The following NRXN1 variants were observed in gnomAD, a reference collection of about 807,000 sequenced individuals.
NRXN1 encodes the protein neurexin 1.
In NRXN1, 39 loss-of-function variants were observed where a neutral mutation model predicts 150.9. The ratio of observed to expected loss-of-function variants is 0.26; its 90% CI spans 0.20 to 0.34. The LOEUF is 0.34. Among genes scored for constraint, NRXN1 ranks in the 10% least tolerant of loss-of-function variants. The pLI, the probability that NRXN1 is intolerant of heterozygous loss-of-function variation, is 1.00. For missense variants in NRXN1, 1,815 were observed against 1,949.9 expected (o/e 0.93, Z 1.30); for synonymous variants, 924 against 757.0 (o/e 1.22, Z -3.62).
chr2:50,277,920 A>G (rs1000393786), intron 17 of NRXN1, among the ~76,000 whole-genome samples: 5 of 152,040 alleles, frequency 3.3e-5, no homozygotes, highest in African/African-American at 1.2e-4. Flanking sequence ...AAAAAGAAAC[A>G]TATGTTCTGA....
intron 21 of NRXN1, among the ~76,000 whole-genome samples, chr2:50,009,993 T>G (rs1685391433): frequency 6.6e-6 from 1 of 152,082 alleles, no homozygotes; most frequent in Non-Finnish European, 1.5e-5. Context: ...TTAAATATAT[T>G]TTTGCACTCT....
intron 21 of NRXN1, among the ~76,000 whole-genome samples, chr2:50,047,186 C>A (rs1223254302): frequency 6.6e-6 from 1 of 151,920 alleles, no homozygotes; most frequent in African/African-American, 2.4e-5. Context: ...GAATATAGAT[C>A]ACCTCAATGT....
At chr2:50,649,638 T>C (rs928901478) in intron 5 of NRXN1, among the ~76,000 whole-genome samples, 1 of 152,010 alleles carries the variant, frequency 6.6e-6, no homozygotes, top group African/African-American at 2.4e-5. Flanking sequence ...CCTGAAGCCA[T>C]GTAAAATGGA....
At position 50,232,393 on chromosome 2, in the gene NRXN1, T is replaced by C. The variant is rs1168602679; in HGVS notation, c.3546+4396A>G. On this transcript the variant is annotated intron_variant, in intron 18 of 22. Coordinates refer to ENST00000401669, the MANE Select transcript of NRXN1 (RefSeq NM_001330078.2). ...TTTTTCTTTCTTTTCTTTTCTTTTTTTTTTTTTTTTTTGAGACGGAGTGTC... is the reference window on the plus strand; with the variant it reads ...TTTTTCTTTCTTTTCTTTTCTTTTTCTTTTTTTTTTTTGAGACGGAGTGTC... 7.8e-3 allele frequency among the ~76,000 whole-genome samples: 1,149 copies of C among 146,438 alleles called. 16 individuals carry two copies. The highest frequency in any genetic ancestry group is 0.026 in the African/African-American group (1,052 of 39,836).
chr2:50,220,643 C>T (rs1353477415), intron 18 of NRXN1, among the ~76,000 whole-genome samples: 1 of 152,000 alleles, frequency 6.6e-6, no homozygotes, highest in Non-Finnish European at 1.5e-5. Context: ...TTTGCAAAAA[C>T]CCATTTCAAA....
chr2:50,058,224 A>C (rs2152637134), intron 19 of NRXN1, among the ~76,000 whole-genome samples: 1 of 152,278 alleles, frequency 6.6e-6, no homozygotes, highest in Non-Finnish European at 1.5e-5. Context: ...ATAAACACTG[A>C]ATTCCCAATG....
chr2:50,418,011 T>C (rs545135638), intron 17 of NRXN1, among the ~76,000 whole-genome samples: 4 of 152,080 alleles, frequency 2.6e-5, no homozygotes, highest in African/African-American at 7.2e-5. Context: ...TGACCAAATG[T>C]GCATTTTAGA....
chr2:50,483,345 C>T (rs2090619763), intron 15 of NRXN1, among the ~76,000 whole-genome samples: 1 of 152,078 alleles, frequency 6.6e-6, no homozygotes, highest in East Asian at 1.9e-4. Context: ...AAAGAAAAAA[C>T]TATAAGTATA....
chr2:50,250,402 T>A (rs141442265), intron 17 of NRXN1, among the ~76,000 whole-genome samples: 107 of 151,732 alleles, frequency 7.1e-4, no homozygotes, highest in African/African-American at 2.4e-3. Flanking sequence ...AGGTTGTAGA[T>A]CCACTTATAT....
intron 21 of NRXN1, among the ~76,000 whole-genome samples, chr2:49,976,024 T>C (rs2152501582): frequency 6.9e-6 from 1 of 145,806 alleles, no homozygotes; most frequent in African/African-American, 2.6e-5. Context: ...AGAATTTTTT[T>C]TTTTTTTTTT....
chr2:50,460,032 G>C (rs1252209941), intron 17 of NRXN1, among the ~76,000 whole-genome samples: 1 of 152,092 alleles, frequency 6.6e-6, no homozygotes, highest in East Asian at 1.9e-4. Flanking sequence ...ATAGCATTTA[G>C]TGATAACTAA....
intron 17 of NRXN1, among the ~76,000 whole-genome samples, chr2:50,358,608 C>A (rs2078982524): frequency 6.6e-6 from 1 of 152,346 alleles, no homozygotes; most frequent in South Asian, 2.1e-4. Context: ...AAACTCCCAT[C>A]TCCCTGGGAT....
chr2:50,948,486 G>C (rs1469789606), intron 2 of NRXN1, among the ~76,000 whole-genome samples: 1 of 152,020 alleles, frequency 6.6e-6, no homozygotes, highest in Non-Finnish European at 1.5e-5. Context: ...AAAAATATCA[G>C]TACTCTGGGC....
At chr2:50,368,944 G>A (rs1043629810) in intron 17 of NRXN1, among the ~76,000 whole-genome samples, 2 of 151,880 alleles carry the variant, frequency 1.3e-5, no homozygotes, top group Admixed American at 6.6e-5. Flanking sequence ...TATAGCATTT[G>A]TAATAAATAA....
At chr2:50,452,739 G>A (rs1442684100) in intron 17 of NRXN1, among the ~76,000 whole-genome samples, 11 of 152,174 alleles carry the variant, frequency 7.2e-5, no homozygotes, top group African/African-American at 2.4e-4. Flanking sequence ...TTTGACAGTG[G>A]TTCTGTTGAT....
intron 18 of NRXN1, chr2:50,185,603 C>A (rs992405456): frequency 6.6e-6 from 1 of 152,012 alleles, no homozygotes; most frequent in Non-Finnish European, 1.5e-5. Flanking sequence ...CCTGCCTTGT[C>A]TAGCATCTGG....
intron 5 of NRXN1, among the ~76,000 whole-genome samples, chr2:50,663,401 C>T (rs1438976070): frequency 6.6e-6 from 1 of 151,996 alleles, no homozygotes; most frequent in African/African-American, 2.4e-5. Flanking sequence ...AGCTTCAGCT[C>T]TGTTCCCTCT....
rs1429061460 is a variant in NRXN1 at position 50,876,771 on chromosome 2, TAG to T, written c.832+45096_832+45097del. 5.9e-5 allele frequency among the ~76,000 whole-genome samples: 9 copies of T among 151,942 alleles called. No homozygotes were observed. In the South Asian group the frequency reaches 1.9e-3, roughly 32 times the overall value. Reference sequence around the variant, plus strand: ...TCTTTATTTTTAAGCAGTAACATGGTAGAAGAGACACATTACTTCTTTATGTT... The same window carrying T: ...TCTTTATTTTTAAGCAGTAACATGGTAAGAGACACATTACTTCTTTATGTT... On this transcript the variant is annotated intron_variant, in intron 5 of 22. Coordinates refer to ENST00000401669, the MANE Select transcript of NRXN1 (RefSeq NM_001330078.2).
chr2:50,447,634 A>C (rs2086548796), intron 17 of NRXN1, among the ~76,000 whole-genome samples: 1 of 145,830 alleles, frequency 6.9e-6, no homozygotes, highest in Admixed American at 6.9e-5. Context: ...ATAATCAGAA[A>C]TCTCACTTGG....
Sources: gnomAD v4.1 joint callset for allele counts (sites outside exome capture counted in the v4.1 genomes callset) on GRCh38, gnomAD v4.1.1 for gene constraint, MANE v1.5 for transcripts, NCBI Gene and HGNC (gene_info 2026-07-23, HGNC 2026-07-21) for gene names.